Variants in MAN2B1 observed in about 807,000 individuals in gnomAD.
MAN2B1 encodes the protein lysosomal alpha-mannosidase.
A neutral mutation model predicts 127.5 loss-of-function variants in MAN2B1; 99 were observed. The ratio of observed to expected loss-of-function variants is 0.78; its 90% CI spans 0.66 to 0.92. MAN2B1 has a LOEUF of 0.92. MAN2B1 is among the 40% of genes least tolerant of loss of function. MAN2B1 has a pLI of 0.00. For synonymous variants in MAN2B1, 573 were observed against 568.8 expected (o/e 1.01, Z -0.11); for missense variants, 1,304 against 1,384.8 (o/e 0.94, Z 0.93).
Position 12,648,177 on chromosome 19 carries a change from G to A in MAN2B1, c.2662C>T (p.Gln888Ter). The stretch of plus-strand genomic sequence containing the variant: ...CTGCCTACCCCGCTGCCCCTCACCT[G>A]CGTGCGCGGAGGAGCCCCGAGATTG... ...AYNLGAPPRT[Q>*]FSGLRRDLPP... Residue 888 changes from glutamine (Q) to a stop codon, truncating the protein, a stop_gained and splice_region_variant, in exon 21 of 24, where the codon CAG becomes TAG. Transcript: ENST00000456935. LOFTEE classifies it high-confidence loss of function. The A allele has an allele frequency of 1.3e-6, 2 of 1,536,676 alleles. No homozygotes were observed. Among genetic ancestry groups the A allele is most frequent in the South Asian group, 2.4e-5 (2 of 84,282 alleles).
chr19:12,648,517 C>G, intron 20 of MAN2B1, 115 bp from the exon 21 acceptor site: 1 of 783,278 alleles, frequency 1.3e-6, no homozygotes, highest in African/African-American at 1.7e-5. Context: ...GTGGGAGGAA[C>G]GGATGAGGAT....
At chr19:12,663,056 A>G (rs959870021) in intron 6 of MAN2B1, among the ~76,000 whole-genome samples, 1 of 152,112 alleles carries the variant, frequency 6.6e-6, no homozygotes, top group African/African-American at 2.4e-5. Context: ...ACTTGAGCTC[A>G]GGAGTTTGAG....
chr19:12,647,701 G>C lies in MAN2B1; in HGVS notation c.2665-103C>G, dbSNP rs2023727116. On this transcript the variant is annotated intron_variant, in intron 21 of 23. Coordinates refer to ENST00000456935, the MANE Select transcript of MAN2B1 (RefSeq NM_000528.4). The surrounding 1 kb of genome is among the most constrained non-coding windows in gnomAD (Gnocchi z 4.9). ...AGGCAGGGCTAGGTTGTAGGGGCGGGGTTTCGCCGGAGAGGGGCAAGGCTC... is the reference window on the plus strand; with the variant it reads ...AGGCAGGGCTAGGTTGTAGGGGCGGCGTTTCGCCGGAGAGGGGCAAGGCTC... The C allele has an allele frequency of 2.1e-6, 2 of 938,892 alleles. No individual in the cohort carries two copies. The highest frequency in any genetic ancestry group is 3.3e-5 in the African/African-American group (2 of 60,784). The allele number at this position is 938,892 out of a possible 1,614,324, so 58.2% of individuals were successfully genotyped here.
chr19:12,648,053 C>G (rs1174002938), intron 21 of MAN2B1, 122 bp downstream of exon 21: 3 of 1,057,886 alleles, frequency 2.8e-6, no homozygotes, highest in Admixed American at 2.0e-5. Context: ...GGGGTTGGCC[C>G]GAGGGTTTGG....
chr19:12,658,552 C>T, intron 7 of MAN2B1, 42 bp from the exon 8 acceptor site: 2 of 1,573,914 alleles, frequency 1.3e-6, no homozygotes, highest in South Asian at 2.2e-5. Context: ...GGAGTCCGCA[C>T]CTTCCTGGGG....
chr19:12,663,539 C>T (rs2024158380), intron 5 of MAN2B1, 77 bp from the exon 6 acceptor site: 2 of 1,590,886 alleles, frequency 1.3e-6, no homozygotes, highest in South Asian at 1.1e-5. Flanking sequence ...ATGTCCCACC[C>T]AGGATGGGCT....
chr19:12,666,117 T>G (rs2024230951), intron 1 of MAN2B1, among the ~76,000 whole-genome samples: 1 of 152,082 alleles, frequency 6.6e-6, no homozygotes, highest in Non-Finnish European at 1.5e-5. Context: ...TTATCCCCAG[T>G]TTCCAGATGA....
rs772448821 is a variant in MAN2B1 at position 12,650,237 on chromosome 19, G to A, written c.2047-15C>T. 6.5e-7 allele frequency: 1 copy of A among 1,545,338 alleles called. No individual in the cohort carries two copies. Among genetic ancestry groups the A allele is most frequent in the African/African-American group, 1.4e-5 (1 of 73,722 alleles). ...ACCAAGGGTGTCTGCGGGCACACGG[G>A]TGAGGTGGATGTCAGTCTGTACCTG... is the stretch of plus-strand genomic sequence containing the variant. On this transcript the variant is annotated splice_polypyrimidine_tract_variant and intron_variant, in intron 16 of 23. Coordinates refer to ENST00000456935, the MANE Select transcript of MAN2B1 (RefSeq NM_000528.4).
At chr19:12,657,618 CG>C in intron 10 of MAN2B1, 63 bp from the exon 11 acceptor site, 2 of 1,384,064 alleles carry the variant, frequency 1.4e-6, no homozygotes, top group Non-Finnish European at 2.0e-6. Context: ...CAAGGGGAAG[CG>C]AAAGGTCCGG....
intron 10 of MAN2B1, 97 bp downstream of exon 10, chr19:12,657,966 A>AG: frequency 1.0e-6 from 1 of 957,794 alleles, no homozygotes; most frequent in East Asian, 2.7e-5. Flanking sequence ...AAAAAAAAAA[A>AG]AAAAAAAAAA....
At chr19:12,653,842 C>T (rs2023897278) in intron 14 of MAN2B1, among the ~76,000 whole-genome samples, 1 of 151,956 alleles carries the variant, frequency 6.6e-6, no homozygotes, top group African/African-American at 2.4e-5. Flanking sequence ...CCTCTCCCTC[C>T]CGAGTAGCTA....
chr19:12,664,734 G>C lies in MAN2B1; in HGVS notation c.630+58C>G, dbSNP rs772192697. The C allele has an allele frequency of 4.5e-6, 7 of 1,544,120 alleles. No individual in the cohort carries two copies. In the African/African-American group the frequency reaches 9.5e-5, roughly 21 times the overall value. Reference sequence around the variant, plus strand: ...CAGGGAGAGGGCGGGGTTTGACTGGGCGAGGGAGGAGCCAGAGTGAGTGAA... The same window carrying C: ...CAGGGAGAGGGCGGGGTTTGACTGGCCGAGGGAGGAGCCAGAGTGAGTGAA... On this transcript the variant is annotated intron_variant, in intron 4 of 23. Coordinates refer to ENST00000456935, the MANE Select transcript of MAN2B1 (RefSeq NM_000528.4).
At chr19:12,662,307 C>G (rs2024125468) in intron 6 of MAN2B1, among the ~76,000 whole-genome samples, 1 of 151,842 alleles carries the variant, frequency 6.6e-6, no homozygotes, top group Non-Finnish European at 1.5e-5. Flanking sequence ...GAGACCTTAT[C>G]TCTGTGAAAA....
chr19:12,646,974 AC>A (rs951743831), intron 23 of MAN2B1: 32 of 606,074 alleles, frequency 5.3e-5, no homozygotes, highest in Non-Finnish European at 9.1e-5. Flanking sequence ...GGTGATGAAC[AC>A]CCTCCCAGAA....
In MAN2B1 at chr19:12,647,776, G is replaced by A. The variant is rs2023729157; in HGVS notation, c.2665-178C>T. Reference sequence around the variant, plus strand: ...TGACAGGGAGGACTGAGCCAATGGGGAGATGGGTCGGTCCCAAGCTTAGGG... The same window carrying A: ...TGACAGGGAGGACTGAGCCAATGGGAAGATGGGTCGGTCCCAAGCTTAGGG... On this transcript the variant is annotated intron_variant, in intron 21 of 23. Coordinates refer to ENST00000456935, the MANE Select transcript of MAN2B1 (RefSeq NM_000528.4). This position sits in a 1 kb window ranked among gnomAD's most constrained non-coding sequence, Gnocchi z 4.9. The A allele has an allele frequency of 1.1e-5, 7 of 616,346 alleles. No individual in the cohort carries two copies. Among genetic ancestry groups the A allele is most frequent in the Non-Finnish European group, 2.0e-5 (7 of 350,972 alleles). The allele number at this position is 616,346 out of a possible 1,614,324, so 38.2% of individuals were successfully genotyped here.
rs2023858638 is a variant in MAN2B1 at position 12,652,367 on chromosome 19, A to G, written c.1924T>C (p.Phe642Leu). Residue 642 changes from phenylalanine (F) to leucine (L), a missense_variant, in exon 15 of 24, where the codon TTC becomes CTC. Physicochemically the swap from Phe to Leu is conservative, Grantham distance 22. Transcript: ENST00000456935. ...QLLLPVRQTFFWYNASIGDNE... is the reference protein window; with the variant it reads ...QLLLPVRQTFLWYNASIGDNE... Reference sequence around the variant, plus strand: ...GGCCTGGTGATCTTCCCTTACCAGAAGAAGGTCTGGCGAACAGGCAGCAGG... The same window carrying G: ...GGCCTGGTGATCTTCCCTTACCAGAGGAAGGTCTGGCGAACAGGCAGCAGG... The G allele has an allele frequency of 6.2e-7, 1 of 1,613,758 alleles. No individual in the cohort carries two copies. Among genetic ancestry groups the G allele is most frequent in the African/African-American group, 1.3e-5 (1 of 74,870 alleles).
intron 6 of MAN2B1, 32 bp downstream of exon 6, chr19:12,663,285 C>T (rs954167607): frequency 6.2e-7 from 1 of 1,613,342 alleles, no homozygotes; most frequent in Non-Finnish European, 8.5e-7. Context: ...ATTGTATATA[C>T]CGGACTCGAA....
rs773210333 is a variant in MAN2B1, at chr19:12,647,551, C to A, written c.2712G>T (p.Thr904=). Residue 904 remains threonine (T), a synonymous_variant, in exon 22 of 24, where the codon ACG becomes ACT. Transcript: ENST00000456935. The surrounding 1 kb of genome is among the most constrained non-coding windows in gnomAD (Gnocchi z 4.9). ...RDLPPSVHLL[T]LASWGPEMVL... is the part of the protein sequence containing the mutation. ...CCATTTCGGGGCCCCAGCTGGCCAG[C>A]GTGAGCAGGTGCACCGAGGGCGGCA... is the stretch of plus-strand genomic sequence containing the variant. 1 of 1,614,110 alleles carries A rather than the reference C, an allele frequency of 6.2e-7. No individual in the cohort carries two copies.
intron 13 of MAN2B1, chr19:12,656,313 C>A: frequency 2.0e-6 from 1 of 498,320 alleles, no homozygotes; most frequent in Non-Finnish European, 3.6e-6. Flanking sequence ...GCCAAGATCG[C>A]GCCACTGCAC....
Sources: allele counts gnomAD v4.1 joint callset (sites outside exome capture counted in the v4.1 genomes callset), GRCh38; gene constraint gnomAD v4.1.1; non-coding constraint Gnocchi (gnomAD v3.1); transcripts MANE v1.5; gene names NCBI Gene and HGNC (gene_info 2026-07-23, HGNC 2026-07-21).